Variants in ARHGAP15 observed in about 807,000 individuals in gnomAD.
ARHGAP15 encodes the protein rho GTPase-activating protein 15.
A neutral mutation model predicts 63.7 loss-of-function variants in ARHGAP15; 51 were observed. That is an observed-to-expected ratio of 0.80 (90% CI 0.64 to 1.01). The LOEUF (loss-of-function observed/expected upper bound fraction) is 1.01, where lower values mean the gene tolerates loss of function less well. Ranked by LOEUF, ARHGAP15 falls within the 50% of genes least tolerant of loss-of-function variation. ARHGAP15 has a pLI of 0.00. For synonymous variants in ARHGAP15, 191 were observed against 193.8 expected (o/e 0.99, Z 0.12); for missense variants, 560 against 564.6 (o/e 0.99, Z 0.08).
intron 5 of ARHGAP15, among the ~76,000 whole-genome samples, chr2:143,241,451 G>A (rs368155690): frequency 9.9e-5 from 15 of 152,248 alleles, no homozygotes; most frequent in African/African-American, 1.4e-4. Flanking sequence ...TGTATTTATC[G>A]TTGTCGTTAT....
chr2:143,590,174 C>T (rs1056457341), intron 11 of ARHGAP15, among the ~76,000 whole-genome samples: 2 of 152,138 alleles, frequency 1.3e-5, no homozygotes, highest in African/African-American at 4.8e-5. Flanking sequence ...GAGAAAACAC[C>T]ATCTTTTAAA....
At chr2:143,440,689 T>G (rs1430321205) in intron 8 of ARHGAP15, among the ~76,000 whole-genome samples, 1 of 152,154 alleles carries the variant, frequency 6.6e-6, no homozygotes, top group Non-Finnish European at 1.5e-5. Context: ...CCAACACTAT[T>G]AAGAACGAAT....
At chr2:143,441,143 A>C (rs1689860328) in intron 8 of ARHGAP15, among the ~76,000 whole-genome samples, 1 of 152,086 alleles carries the variant, frequency 6.6e-6, no homozygotes, top group African/African-American at 2.4e-5. Context: ...TAGCACTGAG[A>C]CAGGGCTTGA....
At chr2:143,539,928 A>G (rs895736984) in intron 10 of ARHGAP15, among the ~76,000 whole-genome samples, 1 of 151,658 alleles carries the variant, frequency 6.6e-6, no homozygotes, top group African/African-American at 2.4e-5. Context: ...CAATTCCTGG[A>G]TATCCTTGTT....
At chr2:143,647,948 A>G (rs1446960012) in intron 12 of ARHGAP15, among the ~76,000 whole-genome samples, 1 of 151,978 alleles carries the variant, frequency 6.6e-6, no homozygotes, top group Non-Finnish European at 1.5e-5. Context: ...TATAAGACTC[A>G]TTTCAAAGTA....
intron 6 of ARHGAP15, among the ~76,000 whole-genome samples, chr2:143,316,252 A>G (rs12053541): frequency 0.28 from 42,622 of 151,420 alleles, 5,714 homozygotes; most frequent in East Asian, 0.41. Flanking sequence ...TCCTGCAAAA[A>G]TGCCATTCTC....
intron 12 of ARHGAP15, among the ~76,000 whole-genome samples, chr2:143,625,897 A>C (rs574838270): frequency 1.3e-5 from 2 of 152,274 alleles, no homozygotes; most frequent in South Asian, 4.1e-4. Flanking sequence ...TGGGGGCTAT[A>C]ACTAGGATAT....
At chr2:143,259,158 C>G (rs929751263) in intron 6 of ARHGAP15, among the ~76,000 whole-genome samples, 3 of 151,982 alleles carry the variant, frequency 2.0e-5, no homozygotes, top group African/African-American at 7.3e-5. Context: ...AGGGAGGTTA[C>G]GAACATACTC....
chr2:143,678,516 G>C (rs1682936397), intron 12 of ARHGAP15, among the ~76,000 whole-genome samples: 1 of 152,196 alleles, frequency 6.6e-6, no homozygotes, highest in African/African-American at 2.4e-5. Context: ...ACAACAGCGA[G>C]CATTAGCCTG....
intron 2 of ARHGAP15, among the ~76,000 whole-genome samples, chr2:143,169,714 C>T (rs1243581883): frequency 1.2e-5 from 1 of 86,244 alleles, no homozygotes; most frequent in African/African-American, 3.1e-5. Context: ...GTGGGCCCTC[C>T]AGGTTCAATC....
intron 6 of ARHGAP15, chr2:143,295,716 G>A (rs1682604939): frequency 6.6e-6 from 1 of 152,022 alleles, no homozygotes; most frequent in Non-Finnish European, 1.5e-5. Flanking sequence ...TTAGGAATTA[G>A]TGAGAGTTAC....
intron 9 of ARHGAP15, among the ~76,000 whole-genome samples, chr2:143,509,832 C>T (rs1010054373): frequency 1.3e-5 from 2 of 151,744 alleles, no homozygotes; most frequent in African/African-American, 4.8e-5. Context: ...ACCATCCTGG[C>T]CAAAGTGGTG....
chr2:143,673,802 C>A (rs1682691776), intron 12 of ARHGAP15, among the ~76,000 whole-genome samples: 1 of 68,304 alleles, frequency 1.5e-5, no homozygotes, highest in Non-Finnish European at 3.3e-5. Context: ...CCTGCAAATT[C>A]ATAAGACAAA....
chr2:143,346,274 A>ACACACACACT (rs150385022), intron 6 of ARHGAP15, among the ~76,000 whole-genome samples: 2 of 150,142 alleles, frequency 1.3e-5, no homozygotes, highest in Non-Finnish European at 3.0e-5. Flanking sequence ...ACACACACAC[A>ACACACACACT]CTCACAAACA....
intron 12 of ARHGAP15, among the ~76,000 whole-genome samples, chr2:143,647,583 TACAA>T (rs1385016337): frequency 6.6e-6 from 1 of 151,966 alleles, no homozygotes; most frequent in African/African-American, 2.4e-5. Context: ...ATCATTGAGT[TACAA>T]ACAAAGAATA....
intron 6 of ARHGAP15, among the ~76,000 whole-genome samples, chr2:143,304,546 A>G (rs1273655831): frequency 6.6e-6 from 1 of 152,148 alleles, no homozygotes; most frequent in African/African-American, 2.4e-5. Flanking sequence ...TGCCACATGT[A>G]TACATATGGA....
chr2:143,200,320 A>T (rs76894109), intron 2 of ARHGAP15, among the ~76,000 whole-genome samples: 3,324 of 151,994 alleles, frequency 0.022, 61 homozygotes, highest in Non-Finnish European at 0.032. Context: ...TTCCTAGAGC[A>T]AATGTGGGGT....
rs67267617 is a variant in ARHGAP15, at chr2:143,262,535, ATT to A, written c.474+11958_474+11959del. On this transcript the variant is annotated intron_variant, in intron 6 of 13. Coordinates refer to ENST00000295095, the MANE Select transcript of ARHGAP15 (RefSeq NM_018460.4). ...TGTATATGCGGGGTCTGAACCTTTGATTTTTTTTTTTTTTTTTTTTTTTTACT... is the reference window on the plus strand; with the variant it reads ...TGTATATGCGGGGTCTGAACCTTTGATTTTTTTTTTTTTTTTTTTTTTACT... Among the ~76,000 whole-genome samples the A allele has an allele frequency of 4.0e-3, 366 of 90,902 alleles. 2 individuals carry two copies. Among genetic ancestry groups the A allele is most frequent in the Admixed American group, 0.012 (94 of 8,014 alleles). The allele number at this position is 90,902 out of a possible 152,430, so 59.6% of individuals were successfully genotyped here.
chr2:143,284,357 T>C (rs957108350), intron 6 of ARHGAP15, among the ~76,000 whole-genome samples: 3 of 152,192 alleles, frequency 2.0e-5, no homozygotes, highest in Admixed American at 2.0e-4. Flanking sequence ...AAATGTCAAT[T>C]TTATAGTGAA....
Sources: allele counts gnomAD v4.1 joint callset (sites outside exome capture counted in the v4.1 genomes callset), GRCh38; gene constraint gnomAD v4.1.1; transcripts MANE v1.5; gene names NCBI Gene and HGNC (gene_info 2026-07-23, HGNC 2026-07-21).